Variants in SLC2A13 observed in about 807,000 individuals in gnomAD.
SLC2A13 encodes the protein proton myo-inositol cotransporter.
SLC2A13 carries 32 observed loss-of-function variants against 64.4 expected under a neutral mutation model. That is an observed-to-expected ratio of 0.50 (90% CI 0.37 to 0.67). The LOEUF (loss-of-function observed/expected upper bound fraction) is 0.67. SLC2A13 is among the 30% of genes least tolerant of loss of function. The pLI is 0.00. For missense variants in SLC2A13, 743 were observed against 829.2 expected, an observed-to-expected ratio of 0.90 and a Z score of 1.28; for synonymous variants, 338 against 327.1, an observed-to-expected ratio of 1.03 and a Z score of -0.36.
chr12:39,973,627 C>T (rs922602660), intron 3 of SLC2A13, among the ~76,000 whole-genome samples: 1 of 152,212 alleles, frequency 6.6e-6, no homozygotes. Flanking sequence ...TCCTCGGCTA[C>T]TCACTTCTCC....
At chr12:39,877,130 C>T (rs1944205445) in intron 4 of SLC2A13, among the ~76,000 whole-genome samples, 2 of 152,022 alleles carry the variant, frequency 1.3e-5, no homozygotes, top group Non-Finnish European at 2.9e-5. Flanking sequence ...TGTTTGTATA[C>T]TCAAAAACAA....
In SLC2A13 at chr12:40,051,014, G is replaced by A. The variant is rs571969181; in HGVS notation, c.557-2804C>T. On this transcript the variant is annotated intron_variant, in intron 1 of 9. Transcript: ENST00000280871. ...ATTTTTATTCTTATTATCATCTCTA[G>A]TTATGAGGCATCCCAATTCTTTCTA... 6.6e-5 allele frequency among the ~76,000 whole-genome samples: 10 copies of A among 152,262 alleles called. No homozygotes were observed. In the South Asian group the frequency reaches 2.1e-3, roughly 32 times the overall value.
chr12:39,977,501 T>C (rs1027830561), intron 3 of SLC2A13, among the ~76,000 whole-genome samples: 1 of 152,244 alleles, frequency 6.6e-6, no homozygotes, highest in East Asian at 1.9e-4. Flanking sequence ...CTTTTTCTCA[T>C]TACATCAAGA....
intron 4 of SLC2A13, among the ~76,000 whole-genome samples, chr12:39,902,591 G>T (rs1945159093): frequency 6.6e-6 from 1 of 152,006 alleles, no homozygotes; most frequent in South Asian, 2.1e-4. Context: ...AAATTATCTT[G>T]TCCTCACAAA....
chr12:39,830,495 G>T, intron 6 of SLC2A13: 1 of 1,161,432 alleles, frequency 8.6e-7, no homozygotes, highest in Non-Finnish European at 1.1e-6. Flanking sequence ...ATGTAGAAGA[G>T]TCCCCATCAA....
intron 1 of SLC2A13, among the ~76,000 whole-genome samples, chr12:40,095,504 T>C (rs1041723886): frequency 2.0e-5 from 3 of 152,250 alleles, no homozygotes; most frequent in African/African-American, 7.2e-5. Flanking sequence ...GATATGTGTA[T>C]CTAAGGTCTA....
At chr12:39,815,983 A>G (rs1204033097) in intron 7 of SLC2A13, among the ~76,000 whole-genome samples, 2 of 152,200 alleles carry the variant, frequency 1.3e-5, no homozygotes, top group East Asian at 3.8e-4. Context: ...AAGAAATTCA[A>G]TTAGATGTTC....
rs1328557443 is a variant in SLC2A13 at position 39,759,961 on chromosome 12, G to A, written c.*65C>T. 4 of 1,244,166 alleles carry A rather than the reference G, an allele frequency of 3.2e-6. No individual in the cohort carries two copies. Among genetic ancestry groups the A allele is most frequent in the Non-Finnish European group, 3.5e-6 (3 of 859,884 alleles). The allele number at this position is 1,244,166 out of a possible 1,614,324, so 77.1% of individuals were successfully genotyped here. ...ACCAGATTAGAAGCAGGGCAGTGAA[G>A]TCACCAATTGCTGTTCTTCTCCCCC... On this transcript the variant is annotated 3_prime_UTR_variant, in exon 10 of 10. Transcript: ENST00000280871.
At chr12:39,789,812 C>T (rs141927107) in intron 7 of SLC2A13, among the ~76,000 whole-genome samples, 1,865 of 152,232 alleles carry the variant, frequency 0.012, 14 homozygotes, top group Middle Eastern at 0.058. Context: ...CCCCATTTCA[C>T]ATATTTATTG....
chr12:39,784,271 A>G (rs963366839), intron 7 of SLC2A13, among the ~76,000 whole-genome samples: 1 of 152,204 alleles, frequency 6.6e-6, no homozygotes, highest in Non-Finnish European at 1.5e-5. Flanking sequence ...TGCCAAGTCA[A>G]TCCTAAGCCA....
At chr12:39,826,928 C>A (rs1264448115) in intron 7 of SLC2A13, among the ~76,000 whole-genome samples, 1 of 134,016 alleles carries the variant, frequency 7.5e-6, no homozygotes, top group East Asian at 2.2e-4. Flanking sequence ...TGGTGGCTTC[C>A]TTGCCTCCAA....
chr12:39,960,731 T>G (rs1469317590), intron 3 of SLC2A13, among the ~76,000 whole-genome samples: 1 of 148,666 alleles, frequency 6.7e-6, no homozygotes, highest in Non-Finnish European at 1.5e-5. Context: ...GAAAAATGGT[T>G]TCCTGTCTCA....
intron 1 of SLC2A13, among the ~76,000 whole-genome samples, chr12:40,074,421 C>T (rs1938086151): frequency 6.6e-6 from 1 of 152,158 alleles, no homozygotes; most frequent in African/African-American, 2.4e-5. Flanking sequence ...CCTGCCTCAG[C>T]CTCCCATAGC....
At chr12:40,024,226 T>C (rs1301194722) in intron 3 of SLC2A13, among the ~76,000 whole-genome samples, 1 of 151,904 alleles carries the variant, frequency 6.6e-6, no homozygotes, top group East Asian at 1.9e-4. Context: ...TGTTTCTTTG[T>C]ATTTAAATTT....
chr12:39,998,278 C>A (rs962732669), intron 3 of SLC2A13, among the ~76,000 whole-genome samples: 4 of 152,154 alleles, frequency 2.6e-5, no homozygotes, highest in Admixed American at 2.6e-4. Flanking sequence ...AATAAATATT[C>A]AGGAATGGAA....
intron 1 of SLC2A13, among the ~76,000 whole-genome samples, chr12:40,062,000 C>T (rs1020799637): frequency 2.0e-5 from 3 of 152,002 alleles, no homozygotes; most frequent in Admixed American, 1.3e-4. Flanking sequence ...CAGAATGAGA[C>T]ACACCCACAC....
intron 4 of SLC2A13, among the ~76,000 whole-genome samples, chr12:39,892,917 GA>G (rs1230175229): frequency 2.0e-5 from 3 of 151,656 alleles, no homozygotes; most frequent in Non-Finnish European, 4.4e-5. Context: ...TGTTAGCAAA[GA>G]AAAAAAGCAA....
intron 1 of SLC2A13, among the ~76,000 whole-genome samples, chr12:40,099,803 G>T (rs1369059191): frequency 6.6e-6 from 1 of 152,048 alleles, no homozygotes; most frequent in Non-Finnish European, 1.5e-5. Context: ...GTCAAAGGAG[G>T]CTTTATGTGT....
At chr12:39,995,524 T>A (rs573256612) in intron 3 of SLC2A13, among the ~76,000 whole-genome samples, 2 of 152,360 alleles carry the variant, frequency 1.3e-5, no homozygotes, top group South Asian at 4.1e-4. Flanking sequence ...GATTTTGAGC[T>A]ACATGTATTA....
Sources: gnomAD v4.1 joint callset for allele counts (sites outside exome capture counted in the v4.1 genomes callset) on GRCh38, gnomAD v4.1.1 for gene constraint, MANE v1.5 for transcripts, NCBI Gene and HGNC (gene_info 2026-07-23, HGNC 2026-07-21) for gene names.